The following LAP3 variants were observed in gnomAD, a reference collection of about 807,000 sequenced individuals.
The protein encoded by LAP3 is leucine aminopeptidase 3, also known as cytosol aminopeptidase.
A neutral mutation model predicts 58.8 loss-of-function variants in LAP3; 46 were observed. That is an observed-to-expected ratio of 0.78 (90% CI 0.62 to 1.00). The LOEUF is 1.00. LAP3 is among the 50% of genes least tolerant of loss of function. The probability of loss-of-function intolerance (pLI) is 0.00; values close to 1 mark genes in which losing one functional copy is unlikely to be tolerated. For synonymous variants in LAP3, 257 were observed against 237.7 expected, an observed-to-expected ratio of 1.08 and a Z score of -0.75; for missense variants, 615 against 659.1, an observed-to-expected ratio of 0.93 and a Z score of 0.73.
At chr4:17,592,885 G>A (rs1368179522) in intron 7 of LAP3, among the ~76,000 whole-genome samples, 1 of 152,152 alleles carries the variant, frequency 6.6e-6, no homozygotes, top group African/African-American at 2.4e-5. Context: ...CTGCACCTCC[G>A]CCTTCTGGGT....
chr4:17,599,705 C>CTT (rs1265919721), intron 10 of LAP3, among the ~76,000 whole-genome samples: 6 of 136,736 alleles, frequency 4.4e-5, no homozygotes, highest in Non-Finnish European at 4.7e-5. Flanking sequence ...CAGAGCTTTA[C>CTT]TTTTTTTTTT....
At chr4:17,604,549 G>T in intron 10 of LAP3, 39 bp from the exon 11 acceptor site, 5 of 1,554,408 alleles carry the variant, frequency 3.2e-6, no homozygotes, top group Middle Eastern at 1.7e-4. Flanking sequence ...CATTTTGCCT[G>T]GAGAGACTGC....
At chr4:17,582,162 T>C in intron 3 of LAP3, 126 bp from the exon 4 acceptor site, 1 of 773,020 alleles carries the variant, frequency 1.3e-6, no homozygotes, top group Non-Finnish European at 2.1e-6. Flanking sequence ...CACCGTGCGT[T>C]TAGCCCTGTT....
intron 8 of LAP3, among the ~76,000 whole-genome samples, chr4:17,596,209 C>T (rs1469335996): frequency 6.6e-6 from 1 of 152,096 alleles, no homozygotes; most frequent in Non-Finnish European, 1.5e-5. Flanking sequence ...ACGACACGTC[C>T]TCTAAGAAAA....
intron 7 of LAP3, among the ~76,000 whole-genome samples, chr4:17,592,319 T>C (rs1359560571): frequency 7.3e-6 from 1 of 136,976 alleles, no homozygotes; most frequent in Non-Finnish European, 1.5e-5. Flanking sequence ...CGGAAAGTCA[T>C]ATAAATGCAG....
At chr4:17,592,204 C>T (rs1274901659) in intron 7 of LAP3, among the ~76,000 whole-genome samples, 1 of 152,224 alleles carries the variant, frequency 6.6e-6, no homozygotes, top group Non-Finnish European at 1.5e-5. Context: ...ACATTTTTAT[C>T]ATCCCCCAGA....
intron 7 of LAP3, among the ~76,000 whole-genome samples, chr4:17,591,992 A>G (rs1490847700): frequency 1.3e-5 from 2 of 152,080 alleles, no homozygotes; most frequent in Admixed American, 1.3e-4. Flanking sequence ...GCAGTGGCAT[A>G]CACCTGTAAT....
chr4:17,584,468 G>T (rs1360539195), intron 5 of LAP3, among the ~76,000 whole-genome samples: 1 of 152,202 alleles, frequency 6.6e-6, no homozygotes, highest in East Asian at 1.9e-4. Context: ...TTCTAAAGCT[G>T]GTCCTGCTTA....
intron 5 of LAP3, among the ~76,000 whole-genome samples, chr4:17,583,901 T>C (rs1713433901): frequency 6.6e-6 from 1 of 152,216 alleles, no homozygotes; most frequent in Non-Finnish European, 1.5e-5. Context: ...ACCAGGTAGC[T>C]CTTACCTGAG....
chr4:17,607,414 G>GTACA lies in LAP3; in HGVS notation c.1386_1389dup (p.Ala464TyrfsTer14). The GTACA allele has an allele frequency of 6.2e-7, 1 of 1,613,398 alleles. No individual in the cohort carries two copies. Among genetic ancestry groups the GTACA allele is most frequent in the Non-Finnish European group, 8.5e-7 (1 of 1,179,824 alleles). ...TTTCTCTTCAGATCTGCAGGAGCAT[G>GTACA]TACAGCTGCAGCATTCCTGAAAGAA... is the stretch of plus-strand genomic sequence containing the variant. On this transcript the variant is annotated frameshift_variant, in exon 13 of 13. Coordinates refer to ENST00000226299, the MANE Select transcript of LAP3 (RefSeq NM_015907.3). LOFTEE classifies it high-confidence loss of function.
chr4:17,598,661 G>A (rs534249409), intron 10 of LAP3, 103 bp downstream of exon 10: 2 of 752,946 alleles, frequency 2.7e-6, no homozygotes, highest in Non-Finnish European at 4.6e-6. Context: ...AATTTGGCTT[G>A]GTCCATTGGC....
intron 10 of LAP3, among the ~76,000 whole-genome samples, chr4:17,599,957 G>A (rs996363809): frequency 6.6e-6 from 1 of 152,084 alleles, no homozygotes; most frequent in Non-Finnish European, 1.5e-5. Context: ...AAGGCTGGAG[G>A]GAGTTTCTTG....
intron 6 of LAP3, chr4:17,585,573 C>T: frequency 6.5e-6 from 1 of 154,998 alleles, no homozygotes; most frequent in South Asian, 2.0e-4. Context: ...CAGGTGTGTG[C>T]CACCATGCCC....
intron 7 of LAP3, among the ~76,000 whole-genome samples, chr4:17,592,280 C>T (rs977374890): frequency 6.6e-6 from 1 of 152,122 alleles, no homozygotes; most frequent in African/African-American, 2.4e-5. Context: ...GATCATCTTC[C>T]TATTACTGCA....
rs779438699 is a variant in LAP3, at chr4:17,585,139, A to C, written c.704+3A>C. 2 of 1,610,612 alleles carry C rather than the reference A, an allele frequency of 1.2e-6. No individual in the cohort carries two copies. The highest frequency in any genetic ancestry group is 3.3e-5 in the Admixed American group (2 of 59,982). Reference sequence around the variant, plus strand: ...AGTAAAACCGAGGTCCATATCAGGTAATTCAGGATTGTGTCACAGACTCGA... The same window carrying C: ...AGTAAAACCGAGGTCCATATCAGGTCATTCAGGATTGTGTCACAGACTCGA... On this transcript the variant is annotated splice_donor_region_variant and intron_variant, in intron 6 of 12. Coordinates refer to ENST00000226299, the MANE Select transcript of LAP3 (RefSeq NM_015907.3).
intron 1 of LAP3, among the ~76,000 whole-genome samples, chr4:17,577,808 C>T (rs1320023169): frequency 6.6e-6 from 1 of 152,266 alleles, no homozygotes; most frequent in African/African-American, 2.4e-5. Flanking sequence ...CCGCCCTTTA[C>T]CCGGCTCCAC....
rs1713215012 is a variant in LAP3 at position 17,577,234 on chromosome 4, A to ACGAATGCGGGCGCACC, written c.-230_-215dup. On this transcript the variant is annotated 5_prime_UTR_variant, in exon 1 of 13. It adds an upstream start codon to the 5' untranslated region. Coordinates refer to ENST00000226299, the MANE Select transcript of LAP3 (RefSeq NM_015907.3). Reference sequence around the variant, plus strand: ...CGGGCGCACACGAATGCGGGCGCACACGAATGCGGGCGCACCCTTGAGTCC... The same window carrying ACGAATGCGGGCGCACC: ...CGGGCGCACACGAATGCGGGCGCACACGAATGCGGGCGCACCCGAATGCGGGCGCACCCTTGAGTCC... The ACGAATGCGGGCGCACC allele has an allele frequency of 1.1e-4, 39 of 364,344 alleles. No homozygotes were observed. The highest frequency in any genetic ancestry group is 4.1e-4 in the East Asian group (9 of 21,780). The allele number at this position is 364,344 out of a possible 1,614,324, so 22.6% of individuals were successfully genotyped here. A position where few individuals can be genotyped will look rare whatever the true frequency, so the allele number is the denominator to read the frequency against.
At chr4:17,582,241 A>G (rs752457277) in intron 3 of LAP3, 47 bp from the exon 4 acceptor site, 1 of 1,465,920 alleles carries the variant, frequency 6.8e-7, no homozygotes, top group Non-Finnish European at 9.5e-7. Context: ...CTGGAAATGA[A>G]TGCTTGAAAG....
Position 17,577,361 on chromosome 4 carries a change from C to G in LAP3, c.-105C>G, listed in dbSNP as rs966688760. On this transcript the variant is annotated 5_prime_UTR_variant, in exon 1 of 13. Transcript: ENST00000226299. ...CCGCTCGCCCGGCGCCCGAGCCAGT[C>G]CGCGCGCACGCCGTCTGCGCCCCGA... is the stretch of plus-strand genomic sequence containing the variant. The G allele has an allele frequency of 4.3e-5, 36 of 828,486 alleles. No homozygotes were observed. The African/African-American group carries it at 5.5e-4, about 13-fold the overall frequency. 51.3% of individuals were successfully genotyped at this position (828,486 alleles called of 1,614,324 possible).
Sources: gnomAD v4.1 joint callset for allele counts (sites outside exome capture counted in the v4.1 genomes callset) on GRCh38, gnomAD v4.1.1 for gene constraint, MANE v1.5 for transcripts, NCBI Gene and HGNC (gene_info 2026-07-23, HGNC 2026-07-21) for gene names.